CDH5: variants seen among roughly 807,000 people sequenced by gnomAD.
CDH5 encodes the protein cadherin-5.
A neutral mutation model predicts 62.0 loss-of-function variants in CDH5; 28 were observed. That is an observed-to-expected ratio of 0.45 (90% confidence interval 0.33 to 0.62). CDH5 has a LOEUF of 0.62. CDH5 is among the 20% of genes least tolerant of loss of function. The pLI, the probability that CDH5 is intolerant of heterozygous loss-of-function variation, is 0.02. For synonymous variants in CDH5, 464 were observed against 445.8 expected (o/e 1.04, Z -0.52); for missense variants, 940 against 1,065.1 (o/e 0.88, Z 1.63).
At chr16:66,378,536 G>A (rs1326355034) in intron 1 of CDH5, among the ~76,000 whole-genome samples, 1 of 152,218 alleles carries the variant, frequency 6.6e-6, no homozygotes, top group African/African-American at 2.4e-5. Context: ...TTGGGTTCCT[G>A]TCTGAGTCCC....
chr16:66,400,728 G>A, intron 10 of CDH5, 43 bp from the exon 11 acceptor site: 1 of 1,613,662 alleles, frequency 6.2e-7, no homozygotes, highest in Non-Finnish European at 8.5e-7. Flanking sequence ...TTCCCCATCT[G>A]TGCAGATGGC....
At position 66,400,826 on chromosome 16, in the gene CDH5, G is replaced by A; in HGVS notation, c.1647G>A (p.Lys549=). ...GGCAGTTTGACCGGGAGCATACCAA[G>A]GTCCACTTCCTACCCGTGGTCATCT... ...KYGQFDREHT[K]VHFLPVVISD... The change falls in exon 11 of 12, where the codon AAG becomes AAA. Residue 549 remains lysine, a synonymous_variant. Coordinates refer to ENST00000341529, the MANE Select transcript of CDH5 (RefSeq NM_001795.5). 1 of 1,614,226 alleles carries A rather than the reference G, an allele frequency of 6.2e-7. No homozygotes were observed. Among genetic ancestry groups the A allele is most frequent in the Non-Finnish European group, 8.5e-7 (1 of 1,180,038 alleles).
At chr16:66,376,933 T>C (rs1006092323) in intron 1 of CDH5, among the ~76,000 whole-genome samples, 3 of 152,320 alleles carry the variant, frequency 2.0e-5, no homozygotes, top group African/African-American at 4.8e-5. Flanking sequence ...ACCCAGCACC[T>C]ATCTATCAGC....
intron 2 of CDH5, among the ~76,000 whole-genome samples, chr16:66,381,636 C>T (rs1186956037): frequency 2.0e-5 from 3 of 152,148 alleles, no homozygotes; most frequent in South Asian, 2.1e-4. Flanking sequence ...TTCCAAGCAC[C>T]GGACTGGGTG....
At chr16:66,380,521 G>A (rs2142317639) in intron 2 of CDH5, among the ~76,000 whole-genome samples, 1 of 150,196 alleles carries the variant, frequency 6.7e-6, no homozygotes, top group Non-Finnish European at 1.5e-5. Context: ...AAAGGGGTAG[G>A]TGGTGGCAGT....
intron 4 of CDH5, among the ~76,000 whole-genome samples, chr16:66,389,091 C>T (rs1485756302): frequency 6.6e-6 from 1 of 152,206 alleles, no homozygotes; most frequent in Admixed American, 6.5e-5. Flanking sequence ...AGCACTCTTT[C>T]CATCTGAGCC....
At position 66,389,487 on chromosome 16, in the gene CDH5, A is replaced by C; in HGVS notation, c.746A>C (p.Gln249Pro). 1.9e-6 allele frequency: 3 copies of C among 1,606,060 alleles called. No homozygotes were observed. Among genetic ancestry groups the C allele is most frequent in the Non-Finnish European group, 2.6e-6 (3 of 1,174,846 alleles). ...ACGGCCACCGTGCTGGTCACTCTGC[A>C]AGACATCAATGACAACTTCCCCTTC... ...SGTATVLVTL[Q>P]DINDNFPFFT... Residue 249 changes from glutamine (Q) to proline (P), a missense_variant, in exon 5 of 12, where the codon CAA becomes CCA. Gln to Pro is a moderately conservative substitution (Grantham distance 76). Transcript: ENST00000341529.
chr16:66,388,945 C>CA (rs1961034229), intron 4 of CDH5, among the ~76,000 whole-genome samples: 1 of 152,014 alleles, frequency 6.6e-6, no homozygotes, highest in Non-Finnish European at 1.5e-5. Context: ...GATGACTTAA[C>CA]AAAAAATATA....
intron 1 of CDH5, among the ~76,000 whole-genome samples, chr16:66,375,888 C>T (rs1329062111): frequency 6.6e-6 from 1 of 151,722 alleles, no homozygotes; most frequent in Non-Finnish European, 1.5e-5. Context: ...CGGCGGATCG[C>T]CTGAGGTCAG....
chr16:66,373,945 A>G (rs1249520108), intron 1 of CDH5, among the ~76,000 whole-genome samples: 1 of 152,184 alleles, frequency 6.6e-6, no homozygotes, highest in Non-Finnish European at 1.5e-5. Flanking sequence ...AGCACCGAGA[A>G]TAGTTCATTA....
rs776937152 is a variant in CDH5, at chr16:66,379,373, C to T, written c.36C>T (p.Gly12=). 11 of 1,613,260 alleles carry T rather than the reference C, an allele frequency of 6.8e-6. No individual in the cohort carries two copies. Among genetic ancestry groups the T allele is most frequent in the East Asian group, 2.2e-5 (1 of 44,846 alleles). The part of the protein sequence containing the change: ...QRLMMLLATS[G]ACLGLLAVAA... ...TCATGATGCTCCTCGCCACATCGGGCGCCTGCCTGGGCCTGCTGGCAGTGG... is the reference window on the plus strand; with the variant it reads ...TCATGATGCTCCTCGCCACATCGGGTGCCTGCCTGGGCCTGCTGGCAGTGG... Residue 12 remains glycine (G), a synonymous_variant, in exon 2 of 12, where the codon GGC becomes GGT. Transcript: ENST00000341529.
At chr16:66,397,903 G>T (rs913150857) in intron 8 of CDH5, 79 bp from the exon 9 acceptor site, 112 of 1,580,542 alleles carry the variant, frequency 7.1e-5, no homozygotes, top group Non-Finnish European at 9.2e-5. Context: ...CCATAGGGCA[G>T]CCCTCCTTCC....
chr16:66,386,865 G>A lies in CDH5; in HGVS notation c.267G>A (p.Val89=). The A allele has an allele frequency of 6.2e-7, 1 of 1,614,124 alleles. No individual in the cohort carries two copies. Among genetic ancestry groups the A allele is most frequent in the South Asian group, 1.1e-5 (1 of 91,072 alleles). ...NAKYLLKGEY[V]GKVFRVDAET... ...AGTACCTGCTCAAAGGAGAATATGT[G>A]GGCAAGGTCTTCCGGGTCGATGCAG... Residue 89 remains valine, a synonymous_variant, in exon 3 of 12, where the codon GTG becomes GTA. Transcript: ENST00000341529.
chr16:66,373,922 T>A (rs979223218), intron 1 of CDH5, among the ~76,000 whole-genome samples: 2 of 152,138 alleles, frequency 1.3e-5, no homozygotes, highest in Non-Finnish European at 2.9e-5. Flanking sequence ...TGCGCTGGCA[T>A]GGATGAAGAC....
At chr16:66,373,375 C>G (rs1960727071) in intron 1 of CDH5, among the ~76,000 whole-genome samples, 1 of 151,790 alleles carries the variant, frequency 6.6e-6, no homozygotes, top group South Asian at 2.1e-4. Context: ...TCCAACAAGA[C>G]CCTTCCCTGC....
In CDH5 at chr16:66,400,760, G is replaced by C. The variant is rs1354942201; in HGVS notation, c.1592-11G>C. ...TGGCAAAGCCTGACTCCGAGGCCTT[G>C]GTGTTTCCAGATAACACGGCCAACA... On this transcript the variant is annotated splice_polypyrimidine_tract_variant and intron_variant, in intron 10 of 11. Transcript: ENST00000341529. 6 of 1,614,030 alleles carry C rather than the reference G, an allele frequency of 3.7e-6. No homozygotes were observed. In the Admixed American group the frequency reaches 5.0e-5, roughly 13 times the overall value.
Position 66,386,023 on chromosome 16 carries a change from G to A in CDH5, c.211-786G>A, listed in dbSNP as rs559378145. Among the ~76,000 whole-genome samples the A allele has an allele frequency of 1.4e-3, 210 of 152,328 alleles. 1 individual carries two copies. Among genetic ancestry groups the A allele is most frequent in the South Asian group, 1.0e-3 (5 of 4,824 alleles). On this transcript the variant is annotated intron_variant, in intron 2 of 11. Coordinates refer to ENST00000341529, the MANE Select transcript of CDH5 (RefSeq NM_001795.5). ...TTCAAAAGTGCTGTTCTACTCCTCAGAGCAAAGCAACATCAGAAGCAATAT... is the reference window on the plus strand; with the variant it reads ...TTCAAAAGTGCTGTTCTACTCCTCAAAGCAAAGCAACATCAGAAGCAATAT...
chr16:66,370,552 C>A (rs1354590446), intron 1 of CDH5, among the ~76,000 whole-genome samples: 2 of 152,270 alleles, frequency 1.3e-5, no homozygotes, highest in Admixed American at 6.5e-5. Flanking sequence ...AGAACTGGAG[C>A]TGGCACCAGG....
chr16:66,387,802 C>T (rs1178089753), intron 3 of CDH5, among the ~76,000 whole-genome samples: 1 of 152,080 alleles, frequency 6.6e-6, no homozygotes, highest in African/African-American at 2.4e-5. Flanking sequence ...CAAGGTATGT[C>T]ACCAGCCTGG....
Sources: gnomAD v4.1 joint callset for allele counts (sites outside exome capture counted in the v4.1 genomes callset) on GRCh38, gnomAD v4.1.1 for gene constraint, MANE v1.5 for transcripts, NCBI Gene and HGNC (gene_info 2026-07-23, HGNC 2026-07-21) for gene names.